Variants in PHLDB3 observed in about 807,000 individuals in gnomAD.
PHLDB3 encodes pleckstrin homology-like domain family B member 3.
In PHLDB3, 86 loss-of-function variants were observed where a neutral mutation model predicts 85.7. The ratio of observed to expected loss-of-function variants is 1.00; its 90% CI spans 0.84 to 1.20. The LOEUF is 1.20. PHLDB3 is among the 50% of genes most tolerant of loss of function. The pLI, the probability that PHLDB3 is intolerant of heterozygous loss-of-function variation, is 0.00. For synonymous variants in PHLDB3, 376 were observed against 349.8 expected (o/e 1.07, Z -0.83); for missense variants, 995 against 873.0 (o/e 1.14, Z -1.76).
intron 2 of PHLDB3, among the ~76,000 whole-genome samples, chr19:43,503,280 G>GTCTGTCTCTCTC (rs1971661396): frequency 7.0e-6 from 1 of 141,892 alleles, no homozygotes; most frequent in Non-Finnish European, 1.5e-5. Context: ...TGTCTATCTG[G>GTCTGTCTCTCTC]TCTCTCTCTC....
At chr19:43,492,882 A>G (rs765384349) in intron 9 of PHLDB3, among the ~76,000 whole-genome samples, 2 of 152,084 alleles carry the variant, frequency 1.3e-5, no homozygotes, top group Non-Finnish European at 2.9e-5. Flanking sequence ...TATTATTGCT[A>G]TTGTTAATGT....
At chr19:43,479,648 T>C in intron 13 of PHLDB3, 55 bp from the exon 14 acceptor site, 4 of 1,309,876 alleles carry the variant, frequency 3.1e-6, no homozygotes, top group Non-Finnish European at 4.3e-6. Context: ...TTCTACAGCC[T>C]GGAGCCCCTC....
At chr19:43,482,468 A>C (rs778826215) in intron 13 of PHLDB3, among the ~76,000 whole-genome samples, 11 of 152,200 alleles carry the variant, frequency 7.2e-5, no homozygotes, top group Non-Finnish European at 1.3e-4. Context: ...AGCACACAGC[A>C]GGGGACTGTT....
intron 12 of PHLDB3, 128 bp from the exon 13 acceptor site, chr19:43,486,450 G>A (rs887655729): frequency 7.9e-7 from 1 of 1,259,462 alleles, no homozygotes; most frequent in Non-Finnish European, 1.1e-6. Context: ...GGGTATGAGG[G>A]AGGATGGGCT....
At chr19:43,475,622 T>G in intron 15 of PHLDB3, 78 bp from the exon 16 acceptor site, 1 of 1,573,474 alleles carries the variant, frequency 6.4e-7, no homozygotes, top group South Asian at 1.1e-5. Flanking sequence ...GCCTTGCTAC[T>G]TATAGTCTGT....
chr19:43,498,336 C>T (rs1323397950), intron 4 of PHLDB3, among the ~76,000 whole-genome samples: 1 of 144,960 alleles, frequency 6.9e-6, no homozygotes, highest in Admixed American at 7.2e-5. Flanking sequence ...GACACTGTCT[C>T]GAAAGGGAAG....
At chr19:43,486,920 C>T (rs767110702) in intron 10 of PHLDB3, 50 bp from the exon 11 acceptor site, 56 of 1,487,634 alleles carry the variant, frequency 3.8e-5, no homozygotes, top group Non-Finnish European at 4.8e-5. Flanking sequence ...CTGGCCTGAG[C>T]CTATCCACTT....
At chr19:43,496,898 T>C in intron 6 of PHLDB3, 1 of 642,494 alleles carries the variant, frequency 1.6e-6, no homozygotes, top group Non-Finnish European at 2.2e-6. Context: ...TAATAGAACT[T>C]GCCTCATAAG....
chr19:43,504,423 C>G (rs1372048999), intron 1 of PHLDB3, 166 bp downstream of exon 1: 9 of 499,814 alleles, frequency 1.8e-5, no homozygotes, highest in Non-Finnish European at 3.5e-6. Context: ...AGGTGTCAGG[C>G]CTTGTACCCT....
In PHLDB3 at chr19:43,494,717, G is replaced by A. The variant is rs1464837113; in HGVS notation, c.1134C>T (p.Val378=). ...ATPTSSCLFS[V]HSSLQGSIGL... is the part of the protein sequence containing the mutation. ...GGGGAGGCACCTGCAGGGAGCTGTGGACAGAAAAGAGGCAGGAAGAAGTAG... is the reference window on the plus strand; with the variant it reads ...GGGGAGGCACCTGCAGGGAGCTGTGAACAGAAAAGAGGCAGGAAGAAGTAG... Residue 378 remains valine (V), a synonymous_variant, in exon 9 of 16, where the codon GTC becomes GTT. Transcript: ENST00000292140. 2 of 1,612,324 alleles carry A rather than the reference G, an allele frequency of 1.2e-6. No homozygotes were observed. The highest frequency in any genetic ancestry group is 1.7e-6 in the Non-Finnish European group (2 of 1,179,282).
Position 43,502,211 on chromosome 19 carries a change from C to A in PHLDB3, c.286G>T (p.Gly96Trp), listed in dbSNP as rs1164231397. 1 of 1,566,662 alleles carries A rather than the reference C, an allele frequency of 6.4e-7. No homozygotes were observed. The highest frequency in any genetic ancestry group is 8.6e-7 in the Non-Finnish European group (1 of 1,156,506). The change falls in exon 3 of 16, where the codon GGG becomes TGG. Residue 96 changes from glycine to tryptophan, a missense_variant. Gly to Trp is a radical substitution (Grantham distance 184). Transcript: ENST00000292140. ...TGTCCTTGCAGGCGCCGCGCCGCCC[C>A]TCGCACCCCTTCCCGCGAAGAGGTG... The part of the protein sequence containing the change: ...ASTSSREGVR[G>W]AARRLQGQQL...
rs1970899547 is a variant in PHLDB3, at chr19:43,475,313, G to A, written c.*97C>T. The A allele has an allele frequency of 7.4e-6, 11 of 1,486,170 alleles. No homozygotes were observed. The highest frequency in any genetic ancestry group is 2.3e-5 in the East Asian group (1 of 42,880). The allele number at this position is 1,486,170 out of a possible 1,614,324, so 92.1% of individuals were successfully genotyped here. On this transcript the variant is annotated 3_prime_UTR_variant, in exon 16 of 16. Coordinates refer to ENST00000292140, the MANE Select transcript of PHLDB3 (RefSeq NM_198850.4). ...TCCCGGGAGAGTTCCAAAGCGGTGC[G>A]TCCAAGTTTTCCGGCAGTGGGCGGG...
intron 9 of PHLDB3, among the ~76,000 whole-genome samples, chr19:43,492,096 C>G (rs1350698630): frequency 6.6e-6 from 1 of 151,628 alleles, no homozygotes; most frequent in Non-Finnish European, 1.5e-5. Flanking sequence ...GCTGTGACTA[C>G]AGGCATGCAC....
In PHLDB3 at chr19:43,488,456, C is replaced by CA. The variant is rs201869304; in HGVS notation, c.1150-1334dup. ...TGGGCGACAGAGTGACAGCCTGTCT[C>CA]AAAAAAAATAAGTAAAACAAAAAAA... On this transcript the variant is annotated intron_variant, in intron 9 of 15. Coordinates refer to ENST00000292140, the MANE Select transcript of PHLDB3 (RefSeq NM_198850.4). 9.2e-3 allele frequency among the ~76,000 whole-genome samples: 1,399 copies of CA among 151,290 alleles called. 23 individuals carry two copies. The highest frequency in any genetic ancestry group is 0.032 in the African/African-American group (1,308 of 41,248).
intron 12 of PHLDB3, 126 bp from the exon 13 acceptor site, chr19:43,486,448 G>A (rs1971159254): frequency 1.6e-6 from 2 of 1,257,796 alleles, no homozygotes; most frequent in East Asian, 2.5e-5. Flanking sequence ...CTGGGTATGA[G>A]GGAGGATGGG....
At chr19:43,487,613 A>G (rs1038974514) in intron 9 of PHLDB3, among the ~76,000 whole-genome samples, 3 of 150,708 alleles carry the variant, frequency 2.0e-5, no homozygotes, top group Non-Finnish European at 4.4e-5. Flanking sequence ...AAAAAAAGAA[A>G]TGTCCGGAAC....
At chr19:43,480,088 G>T (rs548856835) in intron 13 of PHLDB3, among the ~76,000 whole-genome samples, 1 of 151,450 alleles carries the variant, frequency 6.6e-6, no homozygotes, top group East Asian at 1.9e-4. Context: ...GGGCAACATA[G>T]TGAGATCCTG....
intron 6 of PHLDB3, 182 bp downstream of exon 6, chr19:43,496,936 G>T: frequency 2.2e-6 from 2 of 919,620 alleles, no homozygotes; most frequent in Non-Finnish European, 2.8e-6. Flanking sequence ...GTGAGGAAAT[G>T]CTCATGAAAT....
chr19:43,487,574 C>CAAAAAAAAAAAAAAAAAAAA (rs760708749), intron 9 of PHLDB3, among the ~76,000 whole-genome samples: 16 of 38,506 alleles, frequency 4.2e-4, no homozygotes, highest in East Asian at 7.6e-4. Context: ...GACTCTGTCT[C>CAAAAAAAAAAAAAAAAAAAA]AAAAAAAAAA....
Sources: allele counts gnomAD v4.1 joint callset (sites outside exome capture counted in the v4.1 genomes callset), GRCh38; gene constraint gnomAD v4.1.1; transcripts MANE v1.5; gene names NCBI Gene and HGNC (gene_info 2026-07-23, HGNC 2026-07-21).